Variants in EPSTI1 observed in about 807,000 individuals in gnomAD.
EPSTI1 encodes epithelial-stromal interaction protein 1.
EPSTI1 carries 66 observed loss-of-function variants against 49.9 expected under a neutral mutation model. That is an observed-to-expected ratio of 1.32 (90% CI 1.08 to 1.62). The LOEUF is 1.62. EPSTI1 is among the 40% of genes most tolerant of loss of function. EPSTI1 has a pLI of 0.00. For missense variants in EPSTI1, 394 were observed against 365.5 expected (o/e 1.08, Z -0.64); for synonymous variants, 137 against 130.7 (o/e 1.05, Z -0.33).
intron 1 of EPSTI1, among the ~76,000 whole-genome samples, chr13:42,979,615 A>C (rs2153435286): frequency 6.6e-6 from 1 of 150,710 alleles, no homozygotes; most frequent in South Asian, 2.1e-4. Flanking sequence ...AAAGAAAAGA[A>C]ATTTTAAGCC....
intron 5 of EPSTI1, among the ~76,000 whole-genome samples, chr13:42,960,341 C>T (rs538908039): frequency 6.3e-4 from 96 of 152,202 alleles, no homozygotes; most frequent in African/African-American, 2.1e-3. Context: ...GTGATTTACT[C>T]CCATAGCACT....
chr13:42,977,579 A>G (rs1273863955), intron 1 of EPSTI1, among the ~76,000 whole-genome samples: 4 of 152,218 alleles, frequency 2.6e-5, no homozygotes, highest in African/African-American at 7.2e-5. Flanking sequence ...ATCTTAGTCA[A>G]TGAGGCAACC....
At chr13:42,906,068 C>T (rs1227338663) in intron 8 of EPSTI1, among the ~76,000 whole-genome samples, 1 of 152,186 alleles carries the variant, frequency 6.6e-6, no homozygotes, top group Non-Finnish European at 1.5e-5. Flanking sequence ...CTGCAAATAG[C>T]GCCACTGCCT....
chr13:42,932,001 T>C (rs2038392093), intron 6 of EPSTI1, among the ~76,000 whole-genome samples: 1 of 152,216 alleles, frequency 6.6e-6, no homozygotes, highest in Non-Finnish European at 1.5e-5. Context: ...TCTCACATTG[T>C]TGCCCAGGCT....
chr13:42,941,658 C>T (rs1383845152), intron 6 of EPSTI1, among the ~76,000 whole-genome samples: 3 of 149,410 alleles, frequency 2.0e-5, no homozygotes, highest in Admixed American at 2.0e-4. Context: ...AGTAAACAGA[C>T]TATAATTTCA....
chr13:42,942,596 C>CTCTTCCTT (rs1386350317), intron 6 of EPSTI1, among the ~76,000 whole-genome samples: 1 of 148,274 alleles, frequency 6.7e-6, no homozygotes, highest in African/African-American at 2.5e-5. Context: ...ATATCCCTGT[C>CTCTTCCTT]TCTTCCTTGT....
rs1348067225 is a variant in EPSTI1 at position 42,893,455 on chromosome 13, G to T, written c.915+1554C>A. Among the ~76,000 whole-genome samples, 2 of 152,158 alleles carry T rather than the reference G, an allele frequency of 1.3e-5. 1 individual carries two copies. The highest frequency in any genetic ancestry group is 2.9e-5 in the Non-Finnish European group (2 of 68,020). ...TTCTCTTGCTGCTTCTTTTAAGTAA[G>T]GAAAGCACTGATAACCCATTTGGAC... On this transcript the variant is annotated intron_variant, in intron 10 of 10. Coordinates refer to ENST00000313624, the MANE Select transcript of EPSTI1 (RefSeq NM_033255.5).
chr13:42,952,872 G>C (rs964350138), intron 6 of EPSTI1, among the ~76,000 whole-genome samples: 1 of 152,176 alleles, frequency 6.6e-6, no homozygotes, highest in African/African-American at 2.4e-5. Context: ...TATGATAGAG[G>C]CAGGATAATT....
At chr13:42,941,616 G>GAAA (rs11383827) in intron 6 of EPSTI1, among the ~76,000 whole-genome samples, 28 of 136,470 alleles carry the variant, frequency 2.1e-4, no homozygotes, top group South Asian at 4.6e-4. Context: ...CAAGACACTG[G>GAAA]AAAAAAAAAA....
intron 1 of EPSTI1, among the ~76,000 whole-genome samples, chr13:42,977,953 A>G (rs2039910812): frequency 6.6e-6 from 1 of 152,156 alleles, no homozygotes; most frequent in South Asian, 2.1e-4. Context: ...GATCGAGACC[A>G]TCCTGGCTAA....
intron 1 of EPSTI1, among the ~76,000 whole-genome samples, chr13:42,978,510 C>T (rs1474780435): frequency 3.3e-5 from 5 of 152,318 alleles, no homozygotes; most frequent in East Asian, 1.9e-4. Context: ...GAATGCAAGG[C>T]AGGTTTGCCC....
intron 8 of EPSTI1, among the ~76,000 whole-genome samples, chr13:42,903,539 A>T (rs1392368293): frequency 6.6e-6 from 1 of 152,230 alleles, no homozygotes; most frequent in Non-Finnish European, 1.5e-5. Flanking sequence ...CATCCTGTAC[A>T]TGAATCCCTG....
chr13:42,948,425 GT>G (rs1237479085), intron 6 of EPSTI1, among the ~76,000 whole-genome samples: 98 of 128,038 alleles, frequency 7.7e-4, no homozygotes, highest in Middle Eastern at 4.3e-3. Flanking sequence ...GTGGCTTGTT[GT>G]TTTTTTTTTT....
At chr13:42,906,661 A>G (rs2037508667) in intron 8 of EPSTI1, among the ~76,000 whole-genome samples, 1 of 152,222 alleles carries the variant, frequency 6.6e-6, no homozygotes, top group Non-Finnish European at 1.5e-5. Context: ...CGGCATCCAC[A>G]GTAATACCTT....
At chr13:42,938,153 AATAGGTATT>A in intron 6 of EPSTI1, among the ~76,000 whole-genome samples, 1 of 152,030 alleles carries the variant, frequency 6.6e-6, no homozygotes, top group Non-Finnish European at 1.5e-5. Flanking sequence ...CAAATATCCT[AATAGGTATT>A]AGAACCAAGG....
chr13:42,961,829 A>C (rs985568767), intron 5 of EPSTI1, among the ~76,000 whole-genome samples: 1 of 152,184 alleles, frequency 6.6e-6, no homozygotes. Flanking sequence ...CTTGGATTCT[A>C]CTTGGCTCAG....
chr13:42,911,306 TC>T (rs2037680144), intron 8 of EPSTI1, among the ~76,000 whole-genome samples: 1 of 149,394 alleles, frequency 6.7e-6, no homozygotes, highest in Non-Finnish European at 1.5e-5. Flanking sequence ...TGCACATGCT[TC>T]CTTTATCAGA....
At chr13:42,915,534 A>T (rs2037805688) in intron 8 of EPSTI1, among the ~76,000 whole-genome samples, 1 of 152,210 alleles carries the variant, frequency 6.6e-6, no homozygotes, top group Non-Finnish European at 1.5e-5. Flanking sequence ...CTGGTCTCAA[A>T]AAAAGAGAAA....
chr13:42,888,098 C>A lies in EPSTI1; in HGVS notation c.*396G>T. On this transcript the variant is annotated 3_prime_UTR_variant, in exon 11 of 11. Transcript: ENST00000313624. ...GTAGGGATTAAAATCTAAAAAGACC[C>A]CCAAAGCTTTCAAAACCTGATCTGA... 1.2e-6 allele frequency: 1 copy of A among 820,328 alleles called. No individual in the cohort carries two copies. The highest frequency in any genetic ancestry group is 3.1e-5 in the Admixed American group (1 of 32,672). 50.8% of individuals were successfully genotyped at this position (820,328 alleles called of 1,614,324 possible).
Sources: allele counts gnomAD v4.1 joint callset (sites outside exome capture counted in the v4.1 genomes callset), GRCh38; gene constraint gnomAD v4.1.1; transcripts MANE v1.5; gene names NCBI Gene and HGNC (gene_info 2026-07-23, HGNC 2026-07-21).